The following TRIO variants were observed in gnomAD, a reference collection of about 807,000 sequenced individuals.
The protein encoded by TRIO is trio Rho guanine nucleotide exchange factor.
A neutral mutation model predicts 351.9 loss-of-function variants in TRIO; 58 were observed. The ratio of observed to expected loss-of-function variants is 0.16; its 90% CI spans 0.13 to 0.21. TRIO has a LOEUF of 0.21. Among genes scored for constraint, TRIO ranks in the 10% least tolerant of loss-of-function variants. The probability of loss-of-function intolerance (pLI) is 1.00; values close to 1 mark genes in which losing one functional copy is unlikely to be tolerated. For missense variants in TRIO, 3,201 were observed against 4,027.8 expected (o/e 0.79, Z 5.56); for synonymous variants, 1,758 against 1,595.7 (o/e 1.10, Z -2.42).
chr5:14,167,411 C>G (rs1788834309), intron 1 of TRIO, among the ~76,000 whole-genome samples: 1 of 152,096 alleles, frequency 6.6e-6, no homozygotes, highest in African/African-American at 2.4e-5. Flanking sequence ...AACCTGAAAG[C>G]AGGCTGCAGG....
In TRIO at chr5:14,404,625, C is replaced by T. The variant is rs371880795; in HGVS notation, c.4717-1223C>T. Among the ~76,000 whole-genome samples the T allele has an allele frequency of 3.4e-4, 51 of 152,208 alleles. 1 individual carries two copies. The South Asian group carries it at 0.01, about 30-fold the overall frequency. ...TAGTTTTTAGAAAAGTTTCTTCTCCCGAGTCCCTTACTTTCCCCCCGCTTT... is the reference window on the plus strand; with the variant it reads ...TAGTTTTTAGAAAAGTTTCTTCTCCTGAGTCCCTTACTTTCCCCCCGCTTT... On this transcript the variant is annotated intron_variant, in intron 31 of 56. Coordinates refer to ENST00000344204, the MANE Select transcript of TRIO (RefSeq NM_007118.4).
At chr5:14,371,946 A>AATGTCT (rs376198806) in intron 18 of TRIO, among the ~76,000 whole-genome samples, 24 of 152,216 alleles carry the variant, frequency 1.6e-4, no homozygotes, top group African/African-American at 5.3e-4. Context: ...CTGGCCTATA[A>AATGTCT]ATGTCTTTTT....
At chr5:14,476,618 C>G (rs909812568) in intron 40 of TRIO, among the ~76,000 whole-genome samples, 1 of 151,978 alleles carries the variant, frequency 6.6e-6, no homozygotes, top group Admixed American at 6.6e-5. Flanking sequence ...ATGGTGAAAC[C>G]TTGTATCTGC....
chr5:14,488,964 G>A, intron 48 of TRIO: 1 of 764,756 alleles, frequency 1.3e-6, no homozygotes, highest in Non-Finnish European at 2.4e-6. Context: ...AAGCACAAGG[G>A]TTGCTGTGGT....
rs16903350 is a variant in TRIO, at chr5:14,271,022, T to C, written c.232+123T>C. On this transcript the variant is annotated intron_variant, in intron 2 of 56. Coordinates refer to ENST00000344204, the MANE Select transcript of TRIO (RefSeq NM_007118.4). ...CATTGGCATTTCTATGAATTTTGAA[T>C]GGCTTTATTCTTGTAGCACTGTTTC... 9.9e-3 allele frequency: 7,186 copies of C among 723,676 alleles called. 388 individuals are homozygous for C. In the African/African-American group the frequency reaches 0.12, roughly 12 times the overall value. 44.8% of individuals were successfully genotyped at this position (723,676 alleles called of 1,614,324 possible).
At chr5:14,266,052 C>T (rs7713188) in intron 1 of TRIO, among the ~76,000 whole-genome samples, 1 of 147,572 alleles carries the variant, frequency 6.8e-6, no homozygotes, top group Non-Finnish European at 1.5e-5. Flanking sequence ...TTCATCCATC[C>T]ATCTTTCTTT....
chr5:14,423,840 C>T (rs1260804590), intron 34 of TRIO, among the ~76,000 whole-genome samples: 3 of 152,188 alleles, frequency 2.0e-5, no homozygotes, highest in East Asian at 1.9e-4. Flanking sequence ...AAAACCACCC[C>T]AGGGCCTGTG....
In TRIO at chr5:14,487,676, C is replaced by G. The variant is rs779844024; in HGVS notation, c.7048C>G (p.Pro2350Ala). The G allele has an allele frequency of 3.6e-5, 51 of 1,411,072 alleles. No homozygotes were observed. Among genetic ancestry groups the G allele is most frequent in the Middle Eastern group, 1.9e-4 (1 of 5,132 alleles). The allele number at this position is 1,411,072 out of a possible 1,614,324, so 87.4% of individuals were successfully genotyped here. A position where few individuals can be genotyped will look rare whatever the true frequency, so the allele number is the denominator to read the frequency against. The change falls in exon 48 of 57, where the codon CCC becomes GCC. Residue 2350 changes from proline (P) to alanine (A), a missense_variant. Physicochemically the swap from Pro to Ala is conservative, Grantham distance 27. Transcript: ENST00000344204. ...CCCCCAGCCTGTCCGACACCACCCC[C>G]CCGTGCTGGTCTCCTCTGCAGCCTC... is the stretch of plus-strand genomic sequence containing the variant. ...RIPQPVRHHPPVLVSSAASSQ... is the reference protein window; with the variant it reads ...RIPQPVRHHPAVLVSSAASSQ...
chr5:14,233,316 TAAAAA>T (rs35925373), intron 1 of TRIO, among the ~76,000 whole-genome samples: 81 of 109,212 alleles, frequency 7.4e-4, no homozygotes, highest in African/African-American at 2.7e-3. Flanking sequence ...CCTCGTCTCT[TAAAAA>T]AAAAAAAAAA....
At chr5:14,427,138 A>G (rs1750713477) in intron 34 of TRIO, among the ~76,000 whole-genome samples, 1 of 152,122 alleles carries the variant, frequency 6.6e-6, no homozygotes, top group South Asian at 2.1e-4. Context: ...CAACACCCAG[A>G]TGACCGTGCC....
At chr5:14,340,940 G>A (rs1030329961) in intron 11 of TRIO, among the ~76,000 whole-genome samples, 7 of 152,234 alleles carry the variant, frequency 4.6e-5, no homozygotes, top group African/African-American at 1.7e-4. Flanking sequence ...AGATTTGGAA[G>A]TATTCCAAGA....
chr5:14,392,143 A>G (rs1747135767), intron 27 of TRIO, among the ~76,000 whole-genome samples: 1 of 152,214 alleles, frequency 6.6e-6, no homozygotes, highest in South Asian at 2.1e-4. Context: ...ATCAGAGTGA[A>G]CAGGCAACCA....
chr5:14,151,388 G>GTGTGTGTGTGTT (rs1271233271), intron 1 of TRIO, among the ~76,000 whole-genome samples: 9 of 21,658 alleles, frequency 4.2e-4, no homozygotes, highest in Admixed American at 2.5e-3. Flanking sequence ...GTGTGTGTTT[G>GTGTGTGTGTGTT]TGTGTGTGTG....
chr5:14,507,391 C>A, intron 56 of TRIO, 131 bp downstream of exon 56: 3 of 1,294,596 alleles, frequency 2.3e-6, no homozygotes, highest in Non-Finnish European at 3.1e-6. Flanking sequence ...GGTGGGGCAG[C>A]GCAGACACTG....
chr5:14,299,509 G>A (rs1215569675), intron 7 of TRIO, among the ~76,000 whole-genome samples: 3 of 152,194 alleles, frequency 2.0e-5, no homozygotes, highest in Admixed American at 6.5e-5. Flanking sequence ...GTCCTTACTT[G>A]CAAGTAAAAA....
chr5:14,197,459 C>CTT (rs537923789), intron 1 of TRIO, among the ~76,000 whole-genome samples: 275 of 152,210 alleles, frequency 1.8e-3, no homozygotes, highest in African/African-American at 6.1e-3. Context: ...CTTTTCTTGT[C>CTT]TTCTTCTTAT....
chr5:14,146,242 G>A (rs1415234901), intron 1 of TRIO, among the ~76,000 whole-genome samples: 1 of 152,148 alleles, frequency 6.6e-6, no homozygotes, highest in Admixed American at 6.5e-5. Context: ...GAGGAGAATG[G>A]AGCAGTCAAA....
intron 1 of TRIO, among the ~76,000 whole-genome samples, chr5:14,199,195 C>CGA (rs1790946190): frequency 1.3e-5 from 1 of 74,234 alleles, no homozygotes; most frequent in African/African-American, 4.6e-5. Context: ...GAGTGGGACT[C>CGA]AAAAAAAAAA....
intron 8 of TRIO, among the ~76,000 whole-genome samples, chr5:14,310,723 T>C (rs1738847768): frequency 6.6e-6 from 1 of 152,244 alleles, no homozygotes; most frequent in Non-Finnish European, 1.5e-5. Flanking sequence ...TCTTCTTCTG[T>C]TGCCCAGGCT....
Sources: gnomAD v4.1 joint callset for allele counts (sites outside exome capture counted in the v4.1 genomes callset) on GRCh38, gnomAD v4.1.1 for gene constraint, MANE v1.5 for transcripts, NCBI Gene and HGNC (gene_info 2026-07-23, HGNC 2026-07-21) for gene names.